The following CAMK2B variants were observed in gnomAD, a reference collection of about 807,000 sequenced individuals.
CAMK2B encodes calcium/calmodulin dependent protein kinase II beta.
A neutral mutation model predicts 93.7 loss-of-function variants in CAMK2B; 27 were observed. The ratio of observed to expected loss-of-function variants is 0.29; its 90% CI spans 0.21 to 0.40. CAMK2B has a LOEUF of 0.40. Ranked by LOEUF, CAMK2B falls within the 10% of genes least tolerant of loss-of-function variation. CAMK2B has a pLI of 1.00. For missense variants in CAMK2B, 568 were observed against 895.8 expected (o/e 0.63, Z 4.67); for synonymous variants, 374 against 358.8 (o/e 1.04, Z -0.48).
At chr7:44,292,737 G>A (rs747969039) in intron 1 of CAMK2B, among the ~76,000 whole-genome samples, 2 of 152,230 alleles carry the variant, frequency 1.3e-5, no homozygotes, top group Admixed American at 6.5e-5. Flanking sequence ...AGGGCCAGGA[G>A]TGTAAGGAGA....
rs578045080 is a variant in CAMK2B at position 44,304,742 on chromosome 7, C to T, written c.66-20517G>A. Among the ~76,000 whole-genome samples, 109 of 152,270 alleles carry T rather than the reference C, an allele frequency of 7.2e-4. 1 individual carries two copies. Among genetic ancestry groups the T allele is most frequent in the African/African-American group, 2.6e-3 (108 of 41,554 alleles). ...CAGCAAGAGCAAACCCTAATGTAAG[C>T]TATGGGCTTTAGTTAATAATATATT... On this transcript the variant is annotated intron_variant, in intron 1 of 23. Coordinates refer to ENST00000395749, the MANE Select transcript of CAMK2B (RefSeq NM_001220.5).
rs2096360562 is a variant in CAMK2B, at chr7:44,218,122, CCCG to C, written c.*1400_*1402del. The stretch of plus-strand genomic sequence containing the variant: ...GAAGGTGCCCTCACACGCACTGCAG[CCCG>C]CCAAGGCACTGGCACACCTGACACT... On this transcript the variant is annotated 3_prime_UTR_variant, in exon 24 of 24. Coordinates refer to ENST00000395749, the MANE Select transcript of CAMK2B (RefSeq NM_001220.5). The C allele has an allele frequency of 6.6e-6, 1 of 152,668 alleles. No individual in the cohort carries two copies. Among genetic ancestry groups the C allele is most frequent in the Non-Finnish European group, 1.5e-5 (1 of 68,394 alleles). 9.5% of individuals were successfully genotyped at this position (152,668 alleles called of 1,614,324 possible). A position where few individuals can be genotyped will look rare whatever the true frequency, so the allele number is the denominator to read the frequency against.
At chr7:44,288,883 G>A (rs969365300) in intron 1 of CAMK2B, among the ~76,000 whole-genome samples, 3 of 152,160 alleles carry the variant, frequency 2.0e-5, no homozygotes, top group African/African-American at 7.2e-5. Flanking sequence ...CCACCTGCGA[G>A]GAGAGGTGCT....
At chr7:44,268,995 C>G (rs963636064) in intron 2 of CAMK2B, among the ~76,000 whole-genome samples, 2 of 152,140 alleles carry the variant, frequency 1.3e-5, no homozygotes, top group Non-Finnish European at 2.9e-5. Flanking sequence ...GTGGAGGGAG[C>G]TCCTCCCCTC....
At position 44,247,200 on chromosome 7, in the gene CAMK2B, A is replaced by C; in HGVS notation, c.342-8T>G. ...ATCTGCTGGATACAGTGACTGTGGCAAACAGCAGGTGGGTTAGTGCGAGTG... is the reference window on the plus strand; with the variant it reads ...ATCTGCTGGATACAGTGACTGTGGCCAACAGCAGGTGGGTTAGTGCGAGTG... On this transcript the variant is annotated splice_polypyrimidine_tract_variant and splice_region_variant and intron_variant, in intron 5 of 23. Coordinates refer to ENST00000395749, the MANE Select transcript of CAMK2B (RefSeq NM_001220.5). 1 of 1,613,916 alleles carries C rather than the reference A, an allele frequency of 6.2e-7. No individual in the cohort carries two copies. Among genetic ancestry groups the C allele is most frequent in the Non-Finnish European group, 8.5e-7 (1 of 1,179,822 alleles).
rs773927000 is a variant in CAMK2B, at chr7:44,239,675, G to A, written c.947-12C>T. 9.7e-6 allele frequency: 15 copies of A among 1,547,980 alleles called. No homozygotes were observed. In the South Asian group the frequency reaches 1.3e-4, roughly 14 times the overall value. The stretch of plus-strand genomic sequence containing the variant: ...GGTCTGTCTGCCCACTGTTAGCACC[G>A]GGTTAGAGACGAGGGGAAGGGAGGG... On this transcript the variant is annotated splice_polypyrimidine_tract_variant and intron_variant, in intron 12 of 23. Coordinates refer to ENST00000395749, the MANE Select transcript of CAMK2B (RefSeq NM_001220.5).
chr7:44,274,676 C>CA (rs2097014802), intron 2 of CAMK2B, among the ~76,000 whole-genome samples: 1 of 152,258 alleles, frequency 6.6e-6, no homozygotes, highest in Non-Finnish European at 1.5e-5. Flanking sequence ...GTACTATGTG[C>CA]AAAGCAGGAG....
intron 2 of CAMK2B, among the ~76,000 whole-genome samples, chr7:44,281,230 T>C (rs1174355233): frequency 2.6e-5 from 4 of 152,214 alleles, no homozygotes; most frequent in East Asian, 1.9e-4. Flanking sequence ...TCAAGCCTGC[T>C]AGAGAAAGGC....
At chr7:44,236,560 C>A (rs935648865) in intron 13 of CAMK2B, among the ~76,000 whole-genome samples, 3 of 152,218 alleles carry the variant, frequency 2.0e-5, no homozygotes, top group Non-Finnish European at 4.4e-5. Context: ...GAAATGCCGA[C>A]TGCCCACTTC....
At chr7:44,323,126 C>T (rs908559754) in intron 1 of CAMK2B, among the ~76,000 whole-genome samples, 1 of 152,244 alleles carries the variant, frequency 6.6e-6, no homozygotes, top group East Asian at 1.9e-4. Flanking sequence ...GGAATCGGTC[C>T]CTTCCCTACC....
At position 44,272,305 on chromosome 7, in the gene CAMK2B, G is replaced by A. The variant is rs188250414; in HGVS notation, c.161-9241C>T. On this transcript the variant is annotated intron_variant, in intron 2 of 23. Transcript: ENST00000395749. Reference sequence around the variant, plus strand: ...GGGCAGCACAAGTCTACCAGAAAAGGTGAGGTGGTGTCGAAGGGGGTAGGC... The same window carrying A: ...GGGCAGCACAAGTCTACCAGAAAAGATGAGGTGGTGTCGAAGGGGGTAGGC... Among the ~76,000 whole-genome samples the A allele has an allele frequency of 1.1e-3, 171 of 152,236 alleles. 2 individuals carry two copies. Among genetic ancestry groups the A allele is most frequent in the Non-Finnish European group, 2.0e-3 (136 of 67,998 alleles).
At chr7:44,284,849 G>GGT (rs1784623048) in intron 1 of CAMK2B, among the ~76,000 whole-genome samples, 1 of 152,164 alleles carries the variant, frequency 6.6e-6, no homozygotes, top group Non-Finnish European at 1.5e-5. Context: ...CCACTGTCCA[G>GGT]GTGTCAACGC....
chr7:44,250,157 G>C (rs890193694), intron 5 of CAMK2B, among the ~76,000 whole-genome samples: 5 of 152,346 alleles, frequency 3.3e-5, no homozygotes, highest in African/African-American at 4.8e-5. Context: ...GGTGGGATGG[G>C]ACAACCACCT....
At position 44,232,882 on chromosome 7, in the gene CAMK2B, G is replaced by A. The variant is rs907881743; in HGVS notation, c.1132-16C>T. 1 of 1,612,456 alleles carries A rather than the reference G, an allele frequency of 6.2e-7. No individual in the cohort carries two copies. Among genetic ancestry groups the A allele is most frequent in the Non-Finnish European group, 8.5e-7 (1 of 1,178,540 alleles). On this transcript the variant is annotated splice_polypyrimidine_tract_variant and intron_variant, in intron 15 of 23. Transcript: ENST00000395749. ...TTTGAGGCTCCTACAGAAGAAGGAA[G>A]ACACAGAGGAAGGAAAGAGAGGGAA...
At chr7:44,270,638 C>T (rs1287467782) in intron 2 of CAMK2B, among the ~76,000 whole-genome samples, 4 of 152,246 alleles carry the variant, frequency 2.6e-5, no homozygotes, top group Non-Finnish European at 5.9e-5. Context: ...TCGGGGGCCT[C>T]AGTTTCCTCC....
rs139417816 is a variant in CAMK2B at position 44,229,614 on chromosome 7, C to T, written c.1226-113G>A. 2.7e-3 allele frequency: 1,043 copies of T among 380,594 alleles called. 6 individuals are homozygous for T. The highest frequency in any genetic ancestry group is 4.0e-3 in the Non-Finnish European group (858 of 217,200). 23.6% of individuals were successfully genotyped at this position (380,594 alleles called of 1,614,324 possible). ...GGAGGGAGGGGGTGACAGCTGGATA[C>T]CTGGGGCTCCTGGGGTGGAGGTGGG... is the stretch of plus-strand genomic sequence containing the variant. On this transcript the variant is annotated intron_variant, in intron 17 of 23. Coordinates refer to ENST00000395749, the MANE Select transcript of CAMK2B (RefSeq NM_001220.5).
intron 3 of CAMK2B, among the ~76,000 whole-genome samples, chr7:44,260,691 T>C (rs2096872530): frequency 6.6e-6 from 1 of 152,174 alleles, no homozygotes; most frequent in Non-Finnish European, 1.5e-5. Context: ...GTCACCATCA[T>C]CACCTGAGTG....
In CAMK2B at chr7:44,229,470, C is replaced by A; in HGVS notation, c.1257G>T (p.Val419=). The change falls in exon 18 of 24, where the codon GTG becomes GTT. Residue 419 remains valine (V), a synonymous_variant. Transcript: ENST00000395749. ...APRVPDILSS[V]RRGSGAPEAE... is the part of the protein sequence containing the mutation. The stretch of plus-strand genomic sequence containing the variant: ...CTTCTGGGGCTCCCGAGCCCCTCCT[C>A]ACTGAGCTCAGGATGTCGGGGACCC... The A allele has an allele frequency of 6.8e-7, 1 of 1,471,422 alleles. No individual in the cohort carries two copies. The allele number at this position is 1,471,422 out of a possible 1,614,324, so 91.1% of individuals were successfully genotyped here.
chr7:44,293,446 A>G lies in CAMK2B; in HGVS notation c.66-9221T>C, dbSNP rs529066355. On this transcript the variant is annotated intron_variant, in intron 1 of 23. Coordinates refer to ENST00000395749, the MANE Select transcript of CAMK2B (RefSeq NM_001220.5). Reference sequence around the variant, plus strand: ...TTAACGTGGTCGTCGTCACTTCTAGACAGCCAGATCGAGTTTGTACAGGTT... The same window carrying G: ...TTAACGTGGTCGTCGTCACTTCTAGGCAGCCAGATCGAGTTTGTACAGGTT... Among the ~76,000 whole-genome samples the G allele has an allele frequency of 5.9e-5, 9 of 152,262 alleles. No individual in the cohort carries two copies. In the South Asian group the frequency reaches 1.9e-3, roughly 32 times the overall value.
Sources: allele counts gnomAD v4.1 joint callset (sites outside exome capture counted in the v4.1 genomes callset), GRCh38; gene constraint gnomAD v4.1.1; transcripts MANE v1.5; gene names NCBI Gene and HGNC (gene_info 2026-07-23, HGNC 2026-07-21).